CFAP61: variants seen among roughly 807,000 people sequenced by gnomAD.
The protein encoded by CFAP61 is cilia and flagella associated protein 61.
CFAP61 carries 107 observed loss-of-function variants against 135.6 expected under a neutral mutation model. That is an observed-to-expected ratio of 0.79 (90% confidence interval 0.67 to 0.93). CFAP61 has a LOEUF of 0.93. Among genes scored for constraint, CFAP61 ranks in the 40% least tolerant of loss-of-function variants. The probability of loss-of-function intolerance (pLI) is 0.00; values close to 1 mark genes in which losing one functional copy is unlikely to be tolerated. For synonymous variants in CFAP61, 575 were observed against 578.5 expected (o/e 0.99, Z 0.09); for missense variants, 1,507 against 1,556.2 (o/e 0.97, Z 0.53).
chr20:20,345,691 C>T (rs2058603129), intron 26 of CFAP61, among the ~76,000 whole-genome samples: 1 of 152,002 alleles, frequency 6.6e-6, no homozygotes, highest in Non-Finnish European at 1.5e-5. Flanking sequence ...GAGGACAAGG[C>T]AGGCAGATCA....
At chr20:20,118,301 C>CTTTCTTTCT (rs1555873012) in intron 8 of CFAP61, among the ~76,000 whole-genome samples, 30 of 108,014 alleles carry the variant, frequency 2.8e-4, no homozygotes, top group African/African-American at 8.9e-4. Context: ...TTCTTTCTTT[C>CTTTCTTTCT]TTTCTTTTCT....
chr20:20,319,639 C>T (rs1025393513), intron 25 of CFAP61, among the ~76,000 whole-genome samples: 2 of 152,184 alleles, frequency 1.3e-5, no homozygotes, highest in Non-Finnish European at 2.9e-5. Context: ...TCCTGTATAG[C>T]CTGTGCAACT....
At chr20:20,067,452 G>C (rs2146557669) in intron 2 of CFAP61, among the ~76,000 whole-genome samples, 1 of 151,588 alleles carries the variant, frequency 6.6e-6, no homozygotes, top group South Asian at 2.1e-4. Context: ...GACCATCCTG[G>C]CCAACATGGT....
At chr20:20,302,462 G>A (rs1180967811) in intron 25 of CFAP61, among the ~76,000 whole-genome samples, 1 of 152,122 alleles carries the variant, frequency 6.6e-6, no homozygotes, top group East Asian at 1.9e-4. Context: ...GGGAGTTCAG[G>A]ACCAGCCTGG....
At chr20:20,112,953 A>G (rs1568930409) in intron 8 of CFAP61, among the ~76,000 whole-genome samples, 1 of 151,986 alleles carries the variant, frequency 6.6e-6, no homozygotes, top group African/African-American at 2.4e-5. Flanking sequence ...TTTGATTTTC[A>G]TTGGGTGTGA....
At chr20:20,075,740 G>T in intron 6 of CFAP61, 125 bp downstream of exon 6, 1 of 947,086 alleles carries the variant, frequency 1.1e-6, no homozygotes, top group South Asian at 1.6e-5. Context: ...ATACTCATAA[G>T]CATTACTTCA....
intron 16 of CFAP61, 124 bp from the exon 17 acceptor site, chr20:20,199,644 A>ATT: frequency 1.7e-5 from 15 of 882,816 alleles, no homozygotes; most frequent in Non-Finnish European, 2.0e-5. Context: ...TTATTTGCTG[A>ATT]TTTTTTTTTT....
intron 9 of CFAP61, among the ~76,000 whole-genome samples, chr20:20,150,355 A>T (rs1315551321): frequency 6.6e-6 from 1 of 152,208 alleles, no homozygotes; most frequent in East Asian, 1.9e-4. Context: ...CCAAATTCTT[A>T]TCCTGGCCAA....
chr20:20,250,482 C>T (rs889321876), intron 19 of CFAP61, among the ~76,000 whole-genome samples: 3 of 152,108 alleles, frequency 2.0e-5, no homozygotes, highest in Non-Finnish European at 4.4e-5. Flanking sequence ...ATAGAAGTGG[C>T]GCGTGCCTCC....
chr20:20,128,938 G>C (rs1254899611), intron 8 of CFAP61, among the ~76,000 whole-genome samples: 2 of 151,348 alleles, frequency 1.3e-5, no homozygotes, highest in Non-Finnish European at 2.9e-5. Flanking sequence ...TTGACTTTTG[G>C]TTATCTCAAT....
chr20:20,226,136 A>G (rs1254527643), intron 17 of CFAP61: 1 of 152,226 alleles, frequency 6.6e-6, no homozygotes. Context: ...CCCAGCCTTC[A>G]TCCCTCCCTG....
At chr20:20,149,424 G>A (rs569485623) in intron 9 of CFAP61, among the ~76,000 whole-genome samples, 16 of 152,242 alleles carry the variant, frequency 1.1e-4, no homozygotes, top group Middle Eastern at 3.4e-3. Flanking sequence ...CTTTTGCTTC[G>A]GAAACCATCA....
rs866903328 is a variant in CFAP61 at position 20,346,153 on chromosome 20, G to A, written c.3513+4232G>A. Among the ~76,000 whole-genome samples the A allele has an allele frequency of 6.6e-3, 891 of 135,988 alleles. 13 individuals are homozygous for A. Among genetic ancestry groups the A allele is most frequent in the African/African-American group, 0.023 (861 of 37,854 alleles). 89.2% of individuals were successfully genotyped at this position (135,988 alleles called of 152,430 possible). ...CCTGACCTCATGATCCACCCGCCTCGGCCTCCCAAAGTGCTGGGATTACAG... is the reference window on the plus strand; with the variant it reads ...CCTGACCTCATGATCCACCCGCCTCAGCCTCCCAAAGTGCTGGGATTACAG... On this transcript the variant is annotated intron_variant, in intron 26 of 26. Coordinates refer to ENST00000245957, the MANE Select transcript of CFAP61 (RefSeq NM_015585.4).
chr20:20,277,778 G>A (rs1276509627), intron 22 of CFAP61, among the ~76,000 whole-genome samples: 2 of 152,150 alleles, frequency 1.3e-5, no homozygotes. Flanking sequence ...AGCAGTGGGT[G>A]GGCTGGAATT....
At position 20,145,557 on chromosome 20, in the gene CFAP61, G is replaced by A. The variant is rs538735768; in HGVS notation, c.951+2609G>A. Among the ~76,000 whole-genome samples the A allele has an allele frequency of 3.9e-5, 6 of 152,220 alleles. No individual in the cohort carries two copies. The South Asian group carries it at 1.2e-3, about 32-fold the overall frequency. ...TACATTAAATGTAAACGTTCCAAAT[G>A]TCCCGATTAAAGATCATGTATATAA... On this transcript the variant is annotated intron_variant, in intron 9 of 26. Coordinates refer to ENST00000245957, the MANE Select transcript of CFAP61 (RefSeq NM_015585.4).
At chr20:20,255,842 T>C (rs1004875369) in intron 20 of CFAP61, among the ~76,000 whole-genome samples, 3 of 152,194 alleles carry the variant, frequency 2.0e-5, no homozygotes, top group African/African-American at 7.2e-5. Context: ...TCTCCTTGAA[T>C]CTGGGCAGCC....
At chr20:20,299,731 G>T (rs2122137123) in intron 25 of CFAP61, among the ~76,000 whole-genome samples, 1 of 152,336 alleles carries the variant, frequency 6.6e-6, no homozygotes, top group African/African-American at 2.4e-5. Context: ...TGGTTCGTTT[G>T]TTCTCCCTGC....
chr20:20,155,257 C>T (rs2052792835), intron 9 of CFAP61, among the ~76,000 whole-genome samples: 2 of 152,112 alleles, frequency 1.3e-5, no homozygotes, highest in Non-Finnish European at 2.9e-5. Flanking sequence ...CATCTCTCAC[C>T]TTATACAAAG....
At chr20:20,182,244 C>G (rs2055156136) in intron 13 of CFAP61, among the ~76,000 whole-genome samples, 1 of 152,102 alleles carries the variant, frequency 6.6e-6, no homozygotes, top group African/African-American at 2.4e-5. Context: ...GTACGGATGA[C>G]ATAATATATA....
Sources: gnomAD v4.1 joint callset for allele counts (sites outside exome capture counted in the v4.1 genomes callset) on GRCh38, gnomAD v4.1.1 for gene constraint, MANE v1.5 for transcripts, NCBI Gene and HGNC (gene_info 2026-07-23, HGNC 2026-07-21) for gene names.